Variants in ALDH8A1 observed in about 807,000 individuals in gnomAD.
ALDH8A1 encodes 2-aminomuconic semialdehyde dehydrogenase.
In ALDH8A1, 39 loss-of-function variants were observed where a neutral mutation model predicts 43.3. The ratio of observed to expected loss-of-function variants is 0.90; its 90% CI spans 0.70 to 1.18. The LOEUF (loss-of-function observed/expected upper bound fraction) is 1.18, where lower values mean the gene tolerates loss of function less well. Among genes scored for constraint, ALDH8A1 ranks in the 50% most tolerant of loss-of-function variants. ALDH8A1 has a pLI of 0.00. For synonymous variants in ALDH8A1, 233 were observed against 243.5 expected (o/e 0.96, Z 0.40); for missense variants, 605 against 622.6 (o/e 0.97, Z 0.30).
At position 134,929,145 on chromosome 6, in the gene ALDH8A1, A is replaced by G. The variant is rs375341491; in HGVS notation, c.920T>C (p.Phe307Ser). 5 of 1,614,182 alleles carry G rather than the reference A, an allele frequency of 3.1e-6. No homozygotes were observed. The highest frequency in any genetic ancestry group is 1.7e-5 in the Admixed American group (1 of 60,026). Reference sequence around the variant, plus strand: ...TTTCCACTTTCTGGTAGCTTCTACAAATCTCTTTAAAAATTCACTATAGAT... The same window carrying G: ...TTTCCACTTTCTGGTAGCTTCTACAGATCTCTTTAAAAATTCACTATAGAT... The part of the protein sequence containing the change: ...KSIYSEFLKR[F>S]VEATRKWKVG... The change falls in exon 6 of 7, where the codon TTT (phenylalanine) becomes TCT (serine). Residue 307 changes from phenylalanine (F) to serine (S), a missense_variant. Phe to Ser is a radical substitution (Grantham distance 155). Transcript: ENST00000265605.
At chr6:134,928,958 T>C in intron 6 of ALDH8A1, 96 bp downstream of exon 6, 6 of 1,382,490 alleles carry the variant, frequency 4.3e-6, no homozygotes, top group Non-Finnish European at 5.9e-6. Flanking sequence ...GGGTAGTAAC[T>C]AACAATATTT....
intron 4 of ALDH8A1, among the ~76,000 whole-genome samples, chr6:134,937,352 G>T (rs543514928): frequency 6.6e-6 from 1 of 152,110 alleles, no homozygotes; most frequent in Non-Finnish European, 1.5e-5. Flanking sequence ...GATGTGGTTC[G>T]CATTCCTTCC....
chr6:134,942,901 C>T (rs1168750107), intron 2 of ALDH8A1, among the ~76,000 whole-genome samples: 5 of 152,232 alleles, frequency 3.3e-5, no homozygotes, highest in African/African-American at 1.2e-4. Context: ...GTACCTGCGA[C>T]AAAGGCATTG....
intron 6 of ALDH8A1, among the ~76,000 whole-genome samples, chr6:134,928,620 G>T (rs1776925395): frequency 6.6e-6 from 1 of 152,190 alleles, no homozygotes; most frequent in Non-Finnish European, 1.5e-5. Context: ...TTCCAGATGG[G>T]CTACCCCTGG....
intron 2 of ALDH8A1, 63 bp downstream of exon 2, chr6:134,943,756 G>A (rs1437700539): frequency 1.3e-6 from 2 of 1,584,132 alleles, no homozygotes; most frequent in African/African-American, 2.7e-5. Context: ...GGCCCCAAGA[G>A]GGATAACATG....
intron 5 of ALDH8A1, among the ~76,000 whole-genome samples, chr6:134,931,514 C>A (rs542726530): frequency 1.3e-5 from 2 of 152,300 alleles, no homozygotes; most frequent in South Asian, 2.1e-4. Context: ...GATCCACCCA[C>A]CTCGGCCTCC....
At chr6:134,920,751 G>GA (rs544930296) in intron 6 of ALDH8A1, among the ~76,000 whole-genome samples, 1 of 151,458 alleles carries the variant, frequency 6.6e-6, no homozygotes, top group African/African-American at 2.4e-5. Context: ...CTGGGGGGGA[G>GA]AAAAAAAACC....
At chr6:134,919,966 T>C (rs1210453090) in intron 6 of ALDH8A1, among the ~76,000 whole-genome samples, 2 of 152,228 alleles carry the variant, frequency 1.3e-5, no homozygotes, top group Admixed American at 6.5e-5. Context: ...TGCAATGCAG[T>C]GGCACCACCA....
intron 6 of ALDH8A1, among the ~76,000 whole-genome samples, chr6:134,922,009 C>A (rs951591154): frequency 3.9e-5 from 6 of 152,242 alleles, no homozygotes; most frequent in Non-Finnish European, 4.4e-5. Flanking sequence ...AGGAGTCCAG[C>A]TGGCGGGAGG....
chr6:134,938,926 C>T (rs538613250), intron 4 of ALDH8A1, among the ~76,000 whole-genome samples: 37 of 152,274 alleles, frequency 2.4e-4, no homozygotes, highest in Middle Eastern at 6.8e-3. Flanking sequence ...GGATTACAGG[C>T]GTGAACCACC....
intron 6 of ALDH8A1, among the ~76,000 whole-genome samples, chr6:134,924,052 G>A (rs1011859877): frequency 6.6e-6 from 1 of 152,194 alleles, no homozygotes. Context: ...GACAAGGGGA[G>A]CCCGAGGGAA....
intron 6 of ALDH8A1, among the ~76,000 whole-genome samples, chr6:134,927,108 G>A (rs1375302662): frequency 1.3e-5 from 2 of 152,206 alleles, no homozygotes; most frequent in Non-Finnish European, 2.9e-5. Context: ...GGACAGGAGA[G>A]CAGGTTAAAG....
chr6:134,943,730 C>A lies in ALDH8A1; in HGVS notation c.286+89G>T, dbSNP rs1484272015. 5 of 1,524,302 alleles carry A rather than the reference C, an allele frequency of 3.3e-6. No homozygotes were observed. In the East Asian group the frequency reaches 6.9e-5, roughly 21 times the overall value. 94.4% of individuals were successfully genotyped at this position (1,524,302 alleles called of 1,614,324 possible). On this transcript the variant is annotated intron_variant, in intron 2 of 6. Coordinates refer to ENST00000265605, the MANE Select transcript of ALDH8A1 (RefSeq NM_022568.4). Reference sequence around the variant, plus strand: ...TCTACTATTGCCAGAGGAGCAGGCACATGGGCTGGCCTGATGGCCCCAAGA... The same window carrying A: ...TCTACTATTGCCAGAGGAGCAGGCAAATGGGCTGGCCTGATGGCCCCAAGA...
At chr6:134,944,040 T>C (rs1773909249) in intron 1 of ALDH8A1, 74 bp from the exon 2 acceptor site, 10 of 1,514,198 alleles carry the variant, frequency 6.6e-6, no homozygotes, top group African/African-American at 1.4e-5. Context: ...ACCAGAATCC[T>C]CAGGTCTCCA....
chr6:134,933,072 T>C (rs761560047), intron 4 of ALDH8A1, 40 bp from the exon 5 acceptor site: 10 of 1,497,392 alleles, frequency 6.7e-6, no homozygotes, highest in South Asian at 2.7e-5. Context: ...ATTCTCAGTA[T>C]GTTGAAGAGT....
intron 1 of ALDH8A1, among the ~76,000 whole-genome samples, chr6:134,949,084 A>G (rs1390322214): frequency 6.6e-6 from 1 of 152,218 alleles, no homozygotes; most frequent in Non-Finnish European, 1.5e-5. Context: ...AAAACTTTGC[A>G]TGGAATATAT....
intron 1 of ALDH8A1, among the ~76,000 whole-genome samples, chr6:134,947,780 C>A (rs2114714097): frequency 1.3e-5 from 2 of 149,760 alleles, no homozygotes; most frequent in African/African-American, 2.5e-5. Context: ...AAAGGGAAGA[C>A]AAATACAGTG....
rs757717892 is a variant in ALDH8A1 at position 134,929,116 on chromosome 6, C to T, written c.949G>A (p.Gly317Ser). The change falls in exon 6 of 7, where the codon GGC becomes AGC. Residue 317 changes from glycine to serine, a missense_variant. By Grantham distance (56) the Gly-to-Ser change is moderately conservative (BLOSUM62 0). Transcript: ENST00000265605. ...FVEATRKWKV[G>S]IPSDPLVSIG... ...CTCACCAGTGGATCAGAGGGAATGCCGACTTTCCACTTTCTGGTAGCTTCT... is the reference window on the plus strand; with the variant it reads ...CTCACCAGTGGATCAGAGGGAATGCTGACTTTCCACTTTCTGGTAGCTTCT... 2.4e-5 allele frequency: 38 copies of T among 1,614,036 alleles called. No homozygotes were observed. The highest frequency in any genetic ancestry group is 1.3e-4 in the Admixed American group (8 of 60,006).
chr6:134,920,132 T>C (rs1057325184), intron 6 of ALDH8A1, among the ~76,000 whole-genome samples: 22 of 152,162 alleles, frequency 1.4e-4, no homozygotes, highest in African/African-American at 5.3e-4. Flanking sequence ...AGGCTGGTCT[T>C]CAACTCCTGG....
Sources: allele counts gnomAD v4.1 joint callset (sites outside exome capture counted in the v4.1 genomes callset), GRCh38; gene constraint gnomAD v4.1.1; transcripts MANE v1.5; gene names NCBI Gene and HGNC (gene_info 2026-07-23, HGNC 2026-07-21).